MTUS1: variants seen among roughly 807,000 people sequenced by gnomAD.
The protein encoded by MTUS1 is microtubule associated scaffold protein 1.
In MTUS1, 109 loss-of-function variants were observed where a neutral mutation model predicts 120.8. That is an observed-to-expected ratio of 0.90 (90% CI 0.77 to 1.06). MTUS1 has a LOEUF of 1.06. Ranked by LOEUF, MTUS1 falls within the 50% of genes least tolerant of loss-of-function variation. The pLI is 0.00. For synonymous variants in MTUS1, 737 were observed against 550.5 expected (o/e 1.34, Z -4.74); for missense variants, 2,210 against 1,486.3 (o/e 1.49, Z -8.01).
chr8:17,757,087 C>G (rs1026385813), intron 1 of MTUS1, among the ~76,000 whole-genome samples: 3 of 152,098 alleles, frequency 2.0e-5, no homozygotes, highest in African/African-American at 4.8e-5. Context: ...AACTTGCACA[C>G]AAATGTACAT....
At chr8:17,751,130 A>G (rs2048155756) in intron 2 of MTUS1, among the ~76,000 whole-genome samples, 1 of 152,040 alleles carries the variant, frequency 6.6e-6, no homozygotes, top group African/African-American at 2.4e-5. Context: ...CAGCCTGGCC[A>G]ACGTGGTGAA....
chr8:17,713,741 C>T (rs1821784175), intron 5 of MTUS1, among the ~76,000 whole-genome samples: 1 of 152,150 alleles, frequency 6.6e-6, no homozygotes, highest in Non-Finnish European at 1.5e-5. Context: ...GTAATAGGTA[C>T]ACAGCTGTAA....
chr8:17,665,486 G>C (rs960930777), intron 8 of MTUS1, among the ~76,000 whole-genome samples: 1 of 151,162 alleles, frequency 6.6e-6, no homozygotes, highest in Non-Finnish European at 1.5e-5. Context: ...AAAGAAGAAT[G>C]GAAATAACGG....
At chr8:17,765,206 C>T (rs1240004643) in intron 1 of MTUS1, among the ~76,000 whole-genome samples, 1 of 152,182 alleles carries the variant, frequency 6.6e-6, no homozygotes, top group African/African-American at 2.4e-5. Context: ...CTAATGCAAG[C>T]GATGGGGAGT....
At chr8:17,790,254 A>G (rs1022121364) in intron 1 of MTUS1, among the ~76,000 whole-genome samples, 1 of 152,044 alleles carries the variant, frequency 6.6e-6, no homozygotes, top group South Asian at 2.1e-4. Flanking sequence ...AGGCTGAGGT[A>G]GGAGAACTGC....
intron 6 of MTUS1, among the ~76,000 whole-genome samples, chr8:17,684,770 G>A (rs914123278): frequency 3.3e-5 from 5 of 152,212 alleles, no homozygotes; most frequent in African/African-American, 4.8e-5. Context: ...ATGGGGAACA[G>A]AGAATTAGGA....
chr8:17,787,395 T>C (rs1369978437), intron 1 of MTUS1, among the ~76,000 whole-genome samples: 1 of 152,206 alleles, frequency 6.6e-6, no homozygotes, highest in East Asian at 1.9e-4. Context: ...GTTGAGTACC[T>C]TGCTCAAAAC....
intron 7 of MTUS1, among the ~76,000 whole-genome samples, chr8:17,683,342 T>C (rs938798440): frequency 6.6e-6 from 1 of 152,156 alleles, no homozygotes; most frequent in Admixed American, 6.5e-5. Context: ...CCAAGTCTCA[T>C]CCACTTCTCT....
chr8:17,675,256 C>CG lies in MTUS1; in HGVS notation c.2839-5dup. 6.2e-7 allele frequency: 1 copy of CG among 1,613,796 alleles called. No individual in the cohort carries two copies. The highest frequency in any genetic ancestry group is 1.1e-5 in the South Asian group (1 of 90,984). ...GTTGTTTCAGTGCTTCCTCCCGCTG[C>CG]GGAAAACACACATCAAGTTACTCAT... On this transcript the variant is annotated splice_polypyrimidine_tract_variant and splice_region_variant and intron_variant, in intron 7 of 14. Coordinates refer to ENST00000693296, the MANE Select transcript of MTUS1 (RefSeq NM_001363059.2).
intron 1 of MTUS1, among the ~76,000 whole-genome samples, chr8:17,790,526 A>G (rs2051688797): frequency 6.6e-6 from 1 of 152,116 alleles, no homozygotes. Context: ...GTCCTATGTA[A>G]GTGGAATTCA....
At chr8:17,790,373 A>C (rs566629293) in intron 1 of MTUS1, among the ~76,000 whole-genome samples, 1 of 152,100 alleles carries the variant, frequency 6.6e-6, no homozygotes, top group Admixed American at 6.6e-5. Context: ...GTTTCAGGAA[A>C]AAAAATAGTA....
intron 6 of MTUS1, among the ~76,000 whole-genome samples, chr8:17,710,085 G>A (rs967348914): frequency 6.6e-6 from 1 of 152,182 alleles, no homozygotes; most frequent in African/African-American, 2.4e-5. Context: ...CAGTGAGCAG[G>A]AATTATTTTG....
At chr8:17,790,958 C>A (rs1161327464) in intron 1 of MTUS1, among the ~76,000 whole-genome samples, 2 of 152,156 alleles carry the variant, frequency 1.3e-5, no homozygotes, top group African/African-American at 4.8e-5. Flanking sequence ...TGCACTCCAA[C>A]CTGGGTGACA....
intron 2 of MTUS1, among the ~76,000 whole-genome samples, chr8:17,747,633 A>G (rs975420592): frequency 2.0e-5 from 3 of 152,142 alleles, no homozygotes; most frequent in Admixed American, 1.3e-4. Flanking sequence ...ACCAATTGAA[A>G]GTTGCCTTTT....
chr8:17,703,441 G>C (rs567499899), intron 6 of MTUS1, among the ~76,000 whole-genome samples: 1 of 151,954 alleles, frequency 6.6e-6, no homozygotes, highest in Non-Finnish European at 1.5e-5. Flanking sequence ...AGACCATCCT[G>C]GTTAACATGG....
chr8:17,659,683 A>C (rs1809252778), intron 8 of MTUS1, among the ~76,000 whole-genome samples: 1 of 152,132 alleles, frequency 6.6e-6, no homozygotes, highest in Non-Finnish European at 1.5e-5. Context: ...GGCGACAGGG[A>C]AAGACTTCAT....
intron 3 of MTUS1, chr8:17,724,126 A>T (rs764090380): frequency 3.8e-6 from 2 of 519,620 alleles, no homozygotes; most frequent in East Asian, 9.3e-5. Flanking sequence ...GGAGATGATC[A>T]ATCAGAATAA....
At chr8:17,701,070 G>C (rs1053359049) in intron 6 of MTUS1, among the ~76,000 whole-genome samples, 6 of 152,140 alleles carry the variant, frequency 3.9e-5, no homozygotes, top group African/African-American at 1.4e-4. Flanking sequence ...TGTTGTTAAT[G>C]ATCATAAAGA....
At chr8:17,652,393 G>C (rs1175150261) in intron 12 of MTUS1, among the ~76,000 whole-genome samples, 1 of 152,138 alleles carries the variant, frequency 6.6e-6, no homozygotes, top group Non-Finnish European at 1.5e-5. Context: ...AGTCTTAAAA[G>C]GACCACATGT....
Sources: gnomAD v4.1 joint callset for allele counts (sites outside exome capture counted in the v4.1 genomes callset) on GRCh38, gnomAD v4.1.1 for gene constraint, MANE v1.5 for transcripts, NCBI Gene and HGNC (gene_info 2026-07-23, HGNC 2026-07-21) for gene names.